The following GALNT16 variants were observed in gnomAD, a reference collection of about 807,000 sequenced individuals.
GALNT16 encodes UDP-GalNAc:polypeptide N-acetylgalactosaminyltransferase-like protein 1.
GALNT16 carries 40 observed loss-of-function variants against 76.1 expected under a neutral mutation model. That is an observed-to-expected ratio of 0.53 (90% CI 0.41 to 0.68). The LOEUF (loss-of-function observed/expected upper bound fraction) is 0.68. GALNT16 is among the 30% of genes least tolerant of loss of function. GALNT16 has a pLI of 0.00. For synonymous variants in GALNT16, 276 were observed against 285.2 expected (o/e 0.97, Z 0.32); for missense variants, 621 against 731.9 (o/e 0.85, Z 1.75).
the GALNT16 span, among the ~76,000 whole-genome samples, chr14:69,371,469 G>A: frequency 6.6e-6 from 1 of 151,138 alleles, no homozygotes; most frequent in African/African-American, 2.4e-5. Context: ...TGTCAGCCAG[G>A]ATGGTCTCGG....
At position 69,260,200 on chromosome 14, in the gene GALNT16, G is replaced by A. The variant is rs2044243093; in HGVS notation, c.-91G>A. 1.3e-6 allele frequency: 1 copy of A among 767,432 alleles called. No homozygotes were observed. The highest frequency in any genetic ancestry group is 2.0e-6 in the Non-Finnish European group (1 of 498,106). The allele number at this position is 767,432 out of a possible 1,614,324, so 47.5% of individuals were successfully genotyped here. A position where few individuals can be genotyped will look rare whatever the true frequency, so the allele number is the denominator to read the frequency against. ...CAGGACTGAGCAGCTAGGCGCGAGC[G>A]AAAACAAACAGCTGGGGCTGCGAGC... is the stretch of plus-strand genomic sequence containing the variant. On this transcript the variant is annotated 5_prime_UTR_variant, in exon 1 of 15. Transcript: ENST00000448469.
chr14:69,270,864 A>G (rs2044399042), intron 1 of GALNT16, among the ~76,000 whole-genome samples: 1 of 152,170 alleles, frequency 6.6e-6, no homozygotes, highest in South Asian at 2.1e-4. Flanking sequence ...TCGCCTAGTG[A>G]TGTCTTGCTG....
In GALNT16 at chr14:69,352,334, G is replaced by C; in HGVS notation, c.*166G>C. 1 of 675,504 alleles carries C rather than the reference G, an allele frequency of 1.5e-6. No homozygotes were observed. The highest frequency in any genetic ancestry group is 2.0e-5 in the South Asian group (1 of 50,964). The allele number at this position is 675,504 out of a possible 1,614,324, so 41.8% of individuals were successfully genotyped here. On this transcript the variant is annotated 3_prime_UTR_variant, in exon 15 of 15. Coordinates refer to ENST00000448469, the MANE Select transcript of GALNT16 (RefSeq NM_001168368.2). ...GTTCTCCAAAGCTTGTTCTAGGAGGGCGCAGGCGGGCACGCCCCGATGCCC... is the reference window on the plus strand; with the variant it reads ...GTTCTCCAAAGCTTGTTCTAGGAGGCCGCAGGCGGGCACGCCCCGATGCCC...
rs60818532 is a variant in GALNT16, at chr14:69,264,819, C to CTTTTTTTTTTTTTTTTTTTTTTTTTTT, written c.177+4363_177+4364insTTTTTTTTTTTTTTTTTTTTTTTTTTT. ...TTTATTTTCTCTTTTCTTTTTCTTT[C>CTTTTTTTTTTTTTTTTTTTTTTTTTTT]TTTTTTTTTTTGGACACAGGGTCTC... On this transcript the variant is annotated intron_variant, in intron 1 of 14. Coordinates refer to ENST00000448469, the MANE Select transcript of GALNT16 (RefSeq NM_001168368.2). Among the ~76,000 whole-genome samples, 87 of 96,550 alleles carry CTTTTTTTTTTTTTTTTTTTTTTTTTTT rather than the reference C, an allele frequency of 9.0e-4. 13 individuals carry two copies. Among genetic ancestry groups the CTTTTTTTTTTTTTTTTTTTTTTTTTTT allele is most frequent in the African/African-American group, 3.0e-3 (58 of 19,460 alleles). 63.3% of individuals were successfully genotyped at this position (96,550 alleles called of 152,430 possible).
At chr14:69,324,974 C>T (rs901756272) in intron 3 of GALNT16, among the ~76,000 whole-genome samples, 184 bp downstream of exon 3, 11 of 152,140 alleles carry the variant, frequency 7.2e-5, no homozygotes, top group African/African-American at 1.7e-4. Context: ...TAGAGGAATG[C>T]GACAGTCAAA....
intron 1 of GALNT16, among the ~76,000 whole-genome samples, chr14:69,264,815 C>CTTTTTTTTTTTTTTTTTTT (rs1436985515): frequency 1.3e-4 from 6 of 44,938 alleles, no homozygotes; most frequent in South Asian, 1.2e-3. Flanking sequence ...TTTTCTTTTT[C>CTTTTTTTTTTTTTTTTTTT]TTTCTTTTTT....
chr14:69,347,905 A>G lies in GALNT16; in HGVS notation c.1442A>G (p.Gln481Arg). 1.2e-6 allele frequency: 2 copies of G among 1,613,958 alleles called. No homozygotes were observed. The highest frequency in any genetic ancestry group is 1.7e-6 in the Non-Finnish European group (2 of 1,180,016). Reference protein sequence around the residue: ...QAWLFSDHLIQQQGKCLAATS... With the variant: ...QAWLFSDHLIRQQGKCLAATS... Reference sequence around the variant, plus strand: ...TGGCTGTTCAGTGACCACCTCATCCAGCAGCAGGGGAAGTGCCTGGCTGCC... The same window carrying G: ...TGGCTGTTCAGTGACCACCTCATCCGGCAGCAGGGGAAGTGCCTGGCTGCC... Residue 481 changes from glutamine (Q) to arginine (R), a missense_variant, in exon 14 of 15, where the codon CAG becomes CGG. Transcript: ENST00000448469.
At chr14:69,379,894 T>C in the GALNT16 span, among the ~76,000 whole-genome samples, 6 of 152,296 alleles carry the variant, frequency 3.9e-5, no homozygotes, top group Admixed American at 1.3e-4. Context: ...TTTATAACGT[T>C]TGCGTCAATA....
At chr14:69,331,840 C>G (rs1267125652) in intron 7 of GALNT16, among the ~76,000 whole-genome samples, 1 of 152,210 alleles carries the variant, frequency 6.6e-6, no homozygotes, top group African/African-American at 2.4e-5. Flanking sequence ...CCAAATGCTG[C>G]CAGCCTAGGG....
intron 2 of GALNT16, among the ~76,000 whole-genome samples, chr14:69,323,357 C>T (rs554292245): frequency 1.2e-3 from 177 of 152,296 alleles, no homozygotes; most frequent in Non-Finnish European, 1.6e-3. Flanking sequence ...GCATGCATGC[C>T]GAAAGGGCTG....
chr14:69,260,375 C>G lies in GALNT16; in HGVS notation c.85C>G (p.Arg29Gly). ...GTFYYLWQDN[R>G]AHAASSGGRG... ...TTTCTACTACTTATGGCAGGACAAC[C>G]GAGCCCACGCAGCATCCTCCGGCGG... Residue 29 changes from arginine to glycine, a missense_variant, in exon 1 of 15, where the codon CGA (arginine) becomes GGA (glycine). By Grantham distance (125) the Arg-to-Gly change is moderately radical. Coordinates refer to ENST00000448469, the MANE Select transcript of GALNT16 (RefSeq NM_001168368.2). The G allele has an allele frequency of 6.2e-7, 1 of 1,611,338 alleles. No individual in the cohort carries two copies. The highest frequency in any genetic ancestry group is 2.2e-5 in the East Asian group (1 of 44,792).
chr14:69,265,241 G>C (rs2044328134), intron 1 of GALNT16, among the ~76,000 whole-genome samples: 1 of 152,192 alleles, frequency 6.6e-6, no homozygotes, highest in African/African-American at 2.4e-5. Flanking sequence ...GGGGAGGAGG[G>C]CTGGCAGCCC....
At chr14:69,275,980 A>G (rs1325037704) in intron 1 of GALNT16, among the ~76,000 whole-genome samples, 1 of 152,226 alleles carries the variant, frequency 6.6e-6, no homozygotes, top group African/African-American at 2.4e-5. Context: ...ATGGCAGAGG[A>G]TGAAAGGCAG....
chr14:69,345,027 G>A (rs1261920203), intron 12 of GALNT16, among the ~76,000 whole-genome samples: 2 of 152,198 alleles, frequency 1.3e-5, no homozygotes, highest in Non-Finnish European at 2.9e-5. Context: ...CTGGGGCAAA[G>A]TGCGATGCAG....
At chr14:69,328,285 AAGGG>A (rs1425116604) in intron 5 of GALNT16, among the ~76,000 whole-genome samples, 161 bp from the exon 6 acceptor site, 3 of 152,026 alleles carry the variant, frequency 2.0e-5, no homozygotes, top group Non-Finnish European at 4.4e-5. Context: ...AAGAAGAAGC[AAGGG>A]AGGGAGGCAG....
chr14:69,380,818 T>C, the GALNT16 span, among the ~76,000 whole-genome samples: 2 of 152,368 alleles, frequency 1.3e-5, no homozygotes, highest in Middle Eastern at 3.4e-3. Context: ...ATGAACTTTA[T>C]ATCACCTAGT....
chr14:69,330,355 A>G (rs1226642420), intron 6 of GALNT16, among the ~76,000 whole-genome samples: 2 of 152,252 alleles, frequency 1.3e-5, no homozygotes, highest in Admixed American at 6.5e-5. Context: ...TTTCATAGGA[A>G]ATGTCCAGAA....
At chr14:69,280,907 A>G (rs1370677328) in intron 1 of GALNT16, among the ~76,000 whole-genome samples, 1 of 152,062 alleles carries the variant, frequency 6.6e-6, no homozygotes, top group Non-Finnish European at 1.5e-5. Context: ...CCCTTGGGGA[A>G]GAAGCTGAGG....
chr14:69,342,470 A>AAGGCAGGG (rs1482749275), intron 12 of GALNT16, among the ~76,000 whole-genome samples: 1 of 27,200 alleles, frequency 3.7e-5, no homozygotes, highest in African/African-American at 1.2e-4. Context: ...TGGAAGAAGG[A>AAGGCAGGG]AGGAAGGGAG....
Sources: allele counts gnomAD v4.1 joint callset (sites outside exome capture counted in the v4.1 genomes callset), GRCh38; gene constraint gnomAD v4.1.1; transcripts MANE v1.5; gene names NCBI Gene and HGNC (gene_info 2026-07-23, HGNC 2026-07-21).